PARP11: variants seen among roughly 807,000 people sequenced by gnomAD.
PARP11 encodes the protein poly(ADP-ribose) polymerase family member 11.
In PARP11, 31 loss-of-function variants were observed where a neutral mutation model predicts 42.9. The observed-to-expected ratio is 0.72, with a 90% confidence interval of 0.54 to 0.98. PARP11 has a LOEUF of 0.98. Among genes scored for constraint, PARP11 ranks in the 50% least tolerant of loss-of-function variants. PARP11 has a pLI of 0.00. For synonymous variants in PARP11, 137 were observed against 127.3 expected, an observed-to-expected ratio of 1.08 and a Z score of -0.51; for missense variants, 365 against 413.1, an observed-to-expected ratio of 0.88 and a Z score of 1.01.
intron 1 of PARP11, among the ~76,000 whole-genome samples, chr12:3,838,805 C>T (rs1164244921): frequency 1.3e-5 from 2 of 152,216 alleles, no homozygotes; most frequent in Non-Finnish European, 2.9e-5. Flanking sequence ...AAACGAAAGG[C>T]CGCGTCTTTC....
chr12:3,873,178 C>T, intron 1 of PARP11, 34 bp downstream of exon 1: 3 of 1,521,194 alleles, frequency 2.0e-6, no homozygotes, highest in Non-Finnish European at 2.7e-6. Flanking sequence ...CAACCCCGCC[C>T]CCTGGGCCCG....
rs907561591 is a variant in PARP11, at chr12:3,819,936, C to T, written c.548+1937G>A. 2.6e-5 allele frequency among the ~76,000 whole-genome samples: 4 copies of T among 152,306 alleles called. No homozygotes were observed. The South Asian group carries it at 6.2e-4, about 24-fold the overall frequency. On this transcript the variant is annotated intron_variant, in intron 6 of 7. Coordinates refer to ENST00000228820, the MANE Select transcript of PARP11 (RefSeq NM_020367.6). ...AATTTTCTGCGCTCCCTCTTATATC[C>T]AGACTTTGGTTCTTACTGCCCCTGA...
chr12:3,841,361 C>A, intron 1 of PARP11: 2 of 1,297,156 alleles, frequency 1.5e-6, no homozygotes, highest in Non-Finnish European at 1.1e-6. Flanking sequence ...GCCTACCTGG[C>A]AGCCTGCAGG....
intron 4 of PARP11, 33 bp downstream of exon 4, chr12:3,826,125 C>T: frequency 7.5e-7 from 1 of 1,333,822 alleles, no homozygotes. Flanking sequence ...AAAAAAAAAC[C>T]CACTCTTTCC....
intron 1 of PARP11, among the ~76,000 whole-genome samples, chr12:3,833,327 T>C (rs1171756983): frequency 6.6e-6 from 1 of 152,114 alleles, no homozygotes; most frequent in Non-Finnish European, 1.5e-5. Context: ...AGGCCGGGCG[T>C]GGTAGCTCAC....
Position 3,811,290 on chromosome 12 carries a change from T to C in PARP11, c.*833A>G, listed in dbSNP as rs1947173015. On this transcript the variant is annotated 3_prime_UTR_variant, in exon 8 of 8. Coordinates refer to ENST00000228820, the MANE Select transcript of PARP11 (RefSeq NM_020367.6). ...TCTTAGAAGTGATCATTGTAGGGAC[T>C]CTTTTTAAAACAAAAGGAAAATAAA... 6.6e-6 allele frequency: 1 copy of C among 152,246 alleles called. No individual in the cohort carries two copies. Among genetic ancestry groups the C allele is most frequent in the African/African-American group, 2.4e-5 (1 of 41,462 alleles). 9.4% of individuals were successfully genotyped at this position (152,246 alleles called of 1,614,324 possible).
At chr12:3,832,396 G>A (rs1947661451) in intron 1 of PARP11, among the ~76,000 whole-genome samples, 1 of 152,130 alleles carries the variant, frequency 6.6e-6, no homozygotes, top group Non-Finnish European at 1.5e-5. Context: ...GCAGTACAGA[G>A]AATATTAAAG....
intron 4 of PARP11, among the ~76,000 whole-genome samples, chr12:3,823,398 C>T (rs758141149): frequency 3.3e-5 from 5 of 152,188 alleles, no homozygotes; most frequent in Non-Finnish European, 5.9e-5. Context: ...ATTTATTGCA[C>T]CTGTTTTTTT....
chr12:3,821,355 T>C (rs978686765), intron 6 of PARP11, among the ~76,000 whole-genome samples: 1 of 152,232 alleles, frequency 6.6e-6, no homozygotes, highest in African/African-American at 2.4e-5. Context: ...GACTTTACTT[T>C]GGTTAAGTCA....
intron 1 of PARP11, among the ~76,000 whole-genome samples, chr12:3,862,480 T>C (rs2138119291): frequency 2.0e-5 from 3 of 151,920 alleles, no homozygotes; most frequent in Admixed American, 2.0e-4. Context: ...TTTTTTTTTC[T>C]ATTTTTTTCA....
In PARP11 at chr12:3,840,180, G is replaced by A; in HGVS notation, c.19-10162C>T. 1 of 1,611,072 alleles carries A rather than the reference G, an allele frequency of 6.2e-7. No homozygotes were observed. The highest frequency in any genetic ancestry group is 1.7e-5 in the Admixed American group (1 of 60,026). On this transcript the variant is annotated intron_variant, in intron 1 of 7. Transcript: ENST00000228820. The surrounding 1 kb of genome is among the most constrained non-coding windows in gnomAD (Gnocchi z 4.4). ...AAGTTGGAGACAAATGTCAAGTTAG[G>A]TTGGATCACAATGGAAAATTTTTGA...
intron 1 of PARP11, chr12:3,841,397 T>C (rs1947886820): frequency 1.5e-6 from 2 of 1,315,084 alleles, no homozygotes; most frequent in East Asian, 2.3e-5. Flanking sequence ...CCTGTCCCTG[T>C]TTATCTTCAT....
At chr12:3,871,893 C>T (rs532095858) in intron 1 of PARP11, 6 of 152,386 alleles carry the variant, frequency 3.9e-5, no homozygotes, top group African/African-American at 1.4e-4. Flanking sequence ...ATCTCCTGCC[C>T]TTCTGTCTCC....
At chr12:3,842,933 C>G (rs1947923686) in intron 1 of PARP11, among the ~76,000 whole-genome samples, 1 of 152,150 alleles carries the variant, frequency 6.6e-6, no homozygotes, top group Admixed American at 6.5e-5. Context: ...ACTATAGATT[C>G]CAAACATAAC....
intron 1 of PARP11, 32 bp downstream of exon 1, chr12:3,873,180 C>G: frequency 6.5e-7 from 1 of 1,530,470 alleles, no homozygotes; most frequent in African/African-American, 1.4e-5. Context: ...ACCCCGCCCC[C>G]TGGGCCCGCC....
intron 1 of PARP11, chr12:3,872,758 A>G: frequency 1.0e-6 from 1 of 985,418 alleles, no homozygotes; most frequent in Non-Finnish European, 1.2e-6. Flanking sequence ...TACAGGTTCC[A>G]AGGCCAGTTA....
intron 1 of PARP11, among the ~76,000 whole-genome samples, chr12:3,835,517 T>C (rs1403349350): frequency 1.3e-5 from 2 of 152,110 alleles, no homozygotes; most frequent in Non-Finnish European, 2.9e-5. Context: ...TCAATACACA[T>C]AGAAAACCAA....
chr12:3,873,096 C>T, intron 1 of PARP11, 116 bp downstream of exon 1: 1 of 1,032,322 alleles, frequency 9.7e-7, no homozygotes, highest in Non-Finnish European at 1.5e-6. Flanking sequence ...ACTCCGGTCC[C>T]GGAACTCAAC....
At chr12:3,846,550 A>G (rs528901416) in intron 1 of PARP11, among the ~76,000 whole-genome samples, 6 of 151,720 alleles carry the variant, frequency 4.0e-5, no homozygotes, top group African/African-American at 1.4e-4. Flanking sequence ...AGGTCAGGAG[A>G]TCGAGACCAT....
Sources: gnomAD v4.1 joint callset for allele counts (sites outside exome capture counted in the v4.1 genomes callset) on GRCh38, gnomAD v4.1.1 for gene constraint, Gnocchi (gnomAD v3.1) non-coding constraint, MANE v1.5 for transcripts, NCBI Gene and HGNC (gene_info 2026-07-23, HGNC 2026-07-21) for gene names.